The following CHST8 variants were observed in gnomAD, a reference collection of about 807,000 sequenced individuals.
The protein encoded by CHST8 is carbohydrate sulfotransferase 8, also known as GALNAC-4-ST1.
CHST8 carries 10 observed loss-of-function variants against 15.0 expected under a neutral mutation model. That is an observed-to-expected ratio of 0.67 (90% confidence interval 0.41 to 1.13). The LOEUF is 1.13. Among genes scored for constraint, CHST8 ranks in the 50% most tolerant of loss-of-function variants. The pLI, the probability that CHST8 is intolerant of heterozygous loss-of-function variation, is 0.00. For synonymous variants in CHST8, 259 were observed against 256.6 expected, an observed-to-expected ratio of 1.01 and a Z score of -0.09; for missense variants, 634 against 608.2, an observed-to-expected ratio of 1.04 and a Z score of -0.45.
intron 3 of CHST8, among the ~76,000 whole-genome samples, chr19:33,724,209 C>T (rs184125028): frequency 2.0e-4 from 30 of 152,284 alleles, no homozygotes; most frequent in African/African-American, 4.1e-4. Flanking sequence ...CAGGCTCCAC[C>T]GGTTACCCCA....
chr19:33,727,749 G>A (rs544048240), intron 3 of CHST8, among the ~76,000 whole-genome samples: 3 of 152,378 alleles, frequency 2.0e-5, no homozygotes, highest in African/African-American at 7.2e-5. Context: ...CAGGTGCCAA[G>A]TGGATCTGCT....
intron 3 of CHST8, among the ~76,000 whole-genome samples, chr19:33,720,439 T>A (rs898215301): frequency 6.7e-6 from 1 of 148,834 alleles, no homozygotes; most frequent in Non-Finnish European, 1.5e-5. Context: ...CACACATATA[T>A]ACCACACATA....
chr19:33,675,313 C>T (rs1201700952), intron 2 of CHST8, among the ~76,000 whole-genome samples: 1 of 152,202 alleles, frequency 6.6e-6, no homozygotes, highest in African/African-American at 2.4e-5. Flanking sequence ...ATGGGGCTCC[C>T]TCCCTTCTAC....
At chr19:33,762,515 G>A (rs190042124) in intron 3 of CHST8, among the ~76,000 whole-genome samples, 18 of 152,382 alleles carry the variant, frequency 1.2e-4, no homozygotes, top group Admixed American at 2.6e-4. Flanking sequence ...GGTCAGAGCC[G>A]TCAGGCGCTC....
At chr19:33,625,608 T>A (rs1972042363) in intron 1 of CHST8, among the ~76,000 whole-genome samples, 1 of 151,770 alleles carries the variant, frequency 6.6e-6, no homozygotes, top group Non-Finnish European at 1.5e-5. Context: ...ACGCCTGTAA[T>A]CCCAGCACTT....
chr19:33,762,186 C>T (rs953992418), intron 3 of CHST8, among the ~76,000 whole-genome samples: 3 of 152,354 alleles, frequency 2.0e-5, no homozygotes, highest in Non-Finnish European at 1.5e-5. Context: ...GAGGTCACTG[C>T]AGGCTCTGAC....
chr19:33,677,709 T>C (rs912485288), intron 2 of CHST8, among the ~76,000 whole-genome samples: 2 of 152,204 alleles, frequency 1.3e-5, no homozygotes, highest in Admixed American at 6.5e-5. Flanking sequence ...AGTGACAACA[T>C]TGAATGCTGA....
chr19:33,730,653 AG>A (rs1310783359), intron 3 of CHST8, among the ~76,000 whole-genome samples: 2 of 152,268 alleles, frequency 1.3e-5, no homozygotes, highest in African/African-American at 2.4e-5. Context: ...TGTATTAGTC[AG>A]GGTTTTCTAA....
intron 1 of CHST8, among the ~76,000 whole-genome samples, chr19:33,641,769 G>A (rs992837255): frequency 6.6e-6 from 1 of 151,808 alleles, no homozygotes; most frequent in East Asian, 1.9e-4. Flanking sequence ...GGGACCTGCT[G>A]CTTTGGAAGG....
intron 2 of CHST8, among the ~76,000 whole-genome samples, chr19:33,670,073 A>G (rs1972717337): frequency 1.3e-5 from 2 of 152,216 alleles, no homozygotes; most frequent in South Asian, 2.1e-4. Context: ...TATTTGCAGA[A>G]TATACTCCAT....
chr19:33,694,201 T>C (rs1599559456), intron 3 of CHST8, among the ~76,000 whole-genome samples: 1 of 90,870 alleles, frequency 1.1e-5, no homozygotes, highest in Non-Finnish European at 2.2e-5. Context: ...TATATATATA[T>C]ATATATATAT....
In CHST8 at chr19:33,772,567, C is replaced by A. The variant is rs1975018115; in HGVS notation, c.779C>A (p.Pro260His). 6.2e-7 allele frequency: 1 copy of A among 1,614,138 alleles called. No individual in the cohort carries two copies. The highest frequency in any genetic ancestry group is 1.3e-5 in the African/African-American group (1 of 75,068). The change falls in exon 5 of 5, where the codon CCC (proline) becomes CAC (histidine). Residue 260 changes from proline (P) to histidine (H), a missense_variant. By Grantham distance (77) the Pro-to-His change is moderately conservative (BLOSUM62 -2). Transcript: ENST00000650847. ...TYTKMLFVREPFERLVSAFRD... is the reference protein window; with the variant it reads ...TYTKMLFVREHFERLVSAFRD... ...ACCAAGATGCTCTTTGTCCGCGAGC[C>A]CTTCGAGAGGCTGGTGTCCGCCTTC...
intron 1 of CHST8, among the ~76,000 whole-genome samples, chr19:33,638,507 C>T (rs901479470): frequency 2.6e-5 from 4 of 152,106 alleles, no homozygotes; most frequent in Admixed American, 6.5e-5. Flanking sequence ...TATGGGACTC[C>T]CTCATTGCCA....
At chr19:33,669,083 C>A (rs188254449) in intron 2 of CHST8, among the ~76,000 whole-genome samples, 1 of 152,184 alleles carries the variant, frequency 6.6e-6, no homozygotes, top group Non-Finnish European at 1.5e-5. Context: ...TAAGCAGAAT[C>A]GTTCCCATCA....
intron 2 of CHST8, among the ~76,000 whole-genome samples, chr19:33,670,723 G>A (rs1366299237): frequency 5.3e-5 from 8 of 152,152 alleles, no homozygotes; most frequent in South Asian, 2.1e-4. Context: ...ACTGGCAGGC[G>A]TTCAGCCTTT....
intron 2 of CHST8, among the ~76,000 whole-genome samples, chr19:33,686,686 C>G (rs1280337024): frequency 6.6e-6 from 1 of 152,162 alleles, no homozygotes; most frequent in Non-Finnish European, 1.5e-5. Flanking sequence ...TGGAGGCTAC[C>G]CTAGGTCAAA....
intron 1 of CHST8, among the ~76,000 whole-genome samples, chr19:33,637,795 C>T (rs1972224521): frequency 6.9e-6 from 1 of 144,906 alleles, no homozygotes; most frequent in African/African-American, 2.6e-5. Flanking sequence ...TCCAGAAGTT[C>T]GAGGCTGCAA....
At chr19:33,736,087 G>A (rs553905167) in intron 3 of CHST8, among the ~76,000 whole-genome samples, 52 of 152,300 alleles carry the variant, frequency 3.4e-4, no homozygotes, top group South Asian at 1.0e-3. Context: ...CCCAGCCTGC[G>A]CTTGGAAGCA....
chr19:33,654,137 G>T (rs1173531628), intron 1 of CHST8, among the ~76,000 whole-genome samples: 1 of 152,128 alleles, frequency 6.6e-6, no homozygotes, highest in African/African-American at 2.4e-5. Flanking sequence ...TCCTAGCAAT[G>T]AGTTTTTAAT....
Sources: gnomAD v4.1 joint callset for allele counts (sites outside exome capture counted in the v4.1 genomes callset) on GRCh38, gnomAD v4.1.1 for gene constraint, MANE v1.5 for transcripts, NCBI Gene and HGNC (gene_info 2026-07-23, HGNC 2026-07-21) for gene names.